Variants in LOXHD1 observed in about 807,000 individuals in gnomAD.
The protein encoded by LOXHD1 is lipoxygenase homology PLAT domains 1.
In LOXHD1, 205 loss-of-function variants were observed where a neutral mutation model predicts 248.2. The ratio of observed to expected loss-of-function variants is 0.83; its 90% CI spans 0.74 to 0.93. The LOEUF (loss-of-function observed/expected upper bound fraction) is 0.93, where lower values mean the gene tolerates loss of function less well. LOXHD1 is among the 40% of genes least tolerant of loss of function. The pLI is 0.00. For synonymous variants in LOXHD1, 1,113 were observed against 1,162.8 expected (o/e 0.96, Z 0.87); for missense variants, 2,930 against 2,971.6 (o/e 0.99, Z 0.33).
At chr18:46,491,213 C>G (rs940311112) in intron 37 of LOXHD1, among the ~76,000 whole-genome samples, 1 of 152,206 alleles carries the variant, frequency 6.6e-6, no homozygotes, top group African/African-American at 2.4e-5. Flanking sequence ...CTATCCAGCT[C>G]TTAGAGAGTT....
At chr18:46,531,605 A>AT (rs2036074216) in intron 28 of LOXHD1, among the ~76,000 whole-genome samples, 1 of 152,174 alleles carries the variant, frequency 6.6e-6, no homozygotes, top group Admixed American at 6.5e-5. Context: ...TCCTCTGGGA[A>AT]TTAGGAAAAC....
At position 46,610,776 on chromosome 18, in the gene LOXHD1, C is replaced by T; in HGVS notation, c.759G>A (p.Gln253=). The T allele has an allele frequency of 6.5e-7, 1 of 1,550,364 alleles. No homozygotes were observed. The highest frequency in any genetic ancestry group is 8.7e-7 in the Non-Finnish European group (1 of 1,146,228). The change falls in exon 6 of 41, where the codon CAG becomes CAA. Residue 253 remains glutamine, a splice_region_variant and synonymous_variant. Transcript: ENST00000642948. The part of the protein sequence containing the change: ...KGGSAGWFLS[Q]IVIEDIGNKR... ...ACTGCAGAGAAGCAGCTGAACTCAC[C>T]TGGGACAGGAACCAACCTGCAGAGC...
chr18:46,482,240 A>T (rs1460761027), intron 40 of LOXHD1, among the ~76,000 whole-genome samples: 1 of 152,218 alleles, frequency 6.6e-6, no homozygotes, highest in Non-Finnish European at 1.5e-5. Context: ...CCCCAAATTT[A>T]TACATTGAAG....
At chr18:46,619,134 G>A (rs1414555219) in intron 4 of LOXHD1, among the ~76,000 whole-genome samples, 1 of 152,078 alleles carries the variant, frequency 6.6e-6, no homozygotes, top group African/African-American at 2.4e-5. Context: ...CTTTTCACTG[G>A]GTGCCAACAA....
In LOXHD1 at chr18:46,488,891, C is replaced by A. The variant is rs2033259177; in HGVS notation, c.6049+81G>T. On this transcript the variant is annotated intron_variant, in intron 38 of 40. Coordinates refer to ENST00000642948, the MANE Select transcript of LOXHD1 (RefSeq NM_001384474.1). ...TTATTCCCTGTATCTGGCACCTGAC[C>A]CCCCTCCAGCTGGAACGGTGTCTTC... 4.1e-6 allele frequency: 6 copies of A among 1,451,838 alleles called. No individual in the cohort carries two copies. In the East Asian group the frequency reaches 1.0e-4, roughly 24 times the overall value. 89.9% of individuals were successfully genotyped at this position (1,451,838 alleles called of 1,614,324 possible).
At chr18:46,632,622 T>C (rs1185956011) in intron 4 of LOXHD1, among the ~76,000 whole-genome samples, 1 of 151,976 alleles carries the variant, frequency 6.6e-6, no homozygotes, top group East Asian at 1.9e-4. Flanking sequence ...CACACATCCA[T>C]GACAACAGAA....
chr18:46,503,725 T>A (rs931223197), intron 37 of LOXHD1, among the ~76,000 whole-genome samples: 3 of 152,190 alleles, frequency 2.0e-5, no homozygotes, highest in African/African-American at 7.2e-5. Flanking sequence ...ACTTGAATGA[T>A]CAAGTGAGGA....
intron 23 of LOXHD1, among the ~76,000 whole-genome samples, chr18:46,543,470 G>A (rs8083018): frequency 0.72 from 109,240 of 151,946 alleles, 39,955 homozygotes; most frequent in Non-Finnish European, 0.81. Context: ...CAGAACATGA[G>A]GTTTTTTTAC....
At chr18:46,613,086 T>C (rs2038532442) in intron 5 of LOXHD1, among the ~76,000 whole-genome samples, 1 of 152,176 alleles carries the variant, frequency 6.6e-6, no homozygotes, top group South Asian at 2.1e-4. Context: ...TAGCTCTTTA[T>C]GGCTTAGCCC....
At chr18:46,507,847 C>A (rs2034681712) in intron 35 of LOXHD1, 135 bp from the exon 36 acceptor site, 1 of 907,946 alleles carries the variant, frequency 1.1e-6, no homozygotes, top group East Asian at 2.7e-5. Context: ...CGACTGAGAC[C>A]CACGGGGTGT....
chr18:46,655,233 T>TTTA (rs1454404683), intron 1 of LOXHD1, among the ~76,000 whole-genome samples: 2 of 152,240 alleles, frequency 1.3e-5, no homozygotes, highest in East Asian at 3.8e-4. Flanking sequence ...AGTCACTTAA[T>TTTA]GTCTCAGGGC....
At position 46,505,988 on chromosome 18, in the gene LOXHD1, A is replaced by AGAT. The variant is rs1041489754; in HGVS notation, c.5725_5727dup (p.Ile1909dup). On this transcript the variant is annotated inframe_insertion, in exon 37 of 41. Coordinates refer to ENST00000642948, the MANE Select transcript of LOXHD1 (RefSeq NM_001384474.1). ...GTCCCACTATCCCCGTTCTCCCCGA[A>AGAT]GATGATGATGAACACGTTGGCATCA... 4 of 1,552,130 alleles carry AGAT rather than the reference A, an allele frequency of 2.6e-6. No homozygotes were observed. In the African/African-American group the frequency reaches 5.5e-5, roughly 21 times the overall value.
intron 14 of LOXHD1, among the ~76,000 whole-genome samples, chr18:46,574,419 A>ACCCACACACACACACC (rs1555681853): frequency 6.7e-6 from 1 of 148,924 alleles, no homozygotes; most frequent in African/African-American, 2.5e-5. Context: ...ACACACACAC[A>ACCCACACACACACACC]CCTGATCCTA....
intron 37 of LOXHD1, among the ~76,000 whole-genome samples, chr18:46,505,367 A>T (rs2034494162): frequency 6.6e-6 from 1 of 152,028 alleles, no homozygotes; most frequent in Non-Finnish European, 1.5e-5. Context: ...TTATTTGTAG[A>T]GATGGGATCT....
intron 5 of LOXHD1, among the ~76,000 whole-genome samples, chr18:46,612,641 G>A (rs2038525409): frequency 6.6e-6 from 1 of 151,558 alleles, no homozygotes; most frequent in African/African-American, 2.4e-5. Context: ...TTCCTTTGTT[G>A]CTTATGCTTT....
intron 21 of LOXHD1, among the ~76,000 whole-genome samples, chr18:46,549,565 A>C (rs1215492601): frequency 3.3e-5 from 5 of 152,182 alleles, no homozygotes; most frequent in African/African-American, 1.2e-4. Flanking sequence ...ATTAAACTGT[A>C]CCACCCAGAA....
chr18:46,583,175 A>C (rs1286724502), intron 12 of LOXHD1, among the ~76,000 whole-genome samples: 2 of 152,218 alleles, frequency 1.3e-5, no homozygotes, highest in Non-Finnish European at 1.5e-5. Context: ...AAAAATAGAC[A>C]ATCTAAATAG....
At chr18:46,583,644 C>G (rs980961438) in intron 12 of LOXHD1, among the ~76,000 whole-genome samples, 1 of 151,900 alleles carries the variant, frequency 6.6e-6, no homozygotes, top group Non-Finnish European at 1.5e-5. Flanking sequence ...GTGAAATATA[C>G]CATCTTGCTC....
At chr18:46,491,493 A>G (rs2033472927) in intron 37 of LOXHD1, among the ~76,000 whole-genome samples, 1 of 152,266 alleles carries the variant, frequency 6.6e-6, no homozygotes, top group African/African-American at 2.4e-5. Flanking sequence ...GATTCAATGT[A>G]TCAGGACCAG....
Sources: gnomAD v4.1 joint callset for allele counts (sites outside exome capture counted in the v4.1 genomes callset) on GRCh38, gnomAD v4.1.1 for gene constraint, MANE v1.5 for transcripts, NCBI Gene and HGNC (gene_info 2026-07-23, HGNC 2026-07-21) for gene names.